TCTN2: variants seen among roughly 807,000 people sequenced by gnomAD.
The protein encoded by TCTN2 is tectonic family member 2, also known as tectonic-2.
Under a neutral mutation model 83.4 loss-of-function variants are expected in TCTN2, and 66 were observed. The ratio of observed to expected loss-of-function variants is 0.79; its 90% CI spans 0.65 to 0.97. The LOEUF (loss-of-function observed/expected upper bound fraction) is 0.97. TCTN2 is among the 50% of genes least tolerant of loss of function. The pLI, the probability that TCTN2 is intolerant of heterozygous loss-of-function variation, is 0.00. For missense variants in TCTN2, 794 were observed against 858.1 expected (o/e 0.93, Z 0.93); for synonymous variants, 301 against 326.7 (o/e 0.92, Z 0.85).
At chr12:123,693,018 C>CTTTTTTTTTTTTTTTTTTTTTTTTTTTT (rs539689505) in intron 9 of TCTN2, among the ~76,000 whole-genome samples, 1 of 53,780 alleles carries the variant, frequency 1.9e-5, no homozygotes, top group Non-Finnish European at 3.3e-5. Flanking sequence ...TTAAATAATT[C>CTTTTTTTTTTTTTTTTTTTTTTTTTTTT]TTTTTTTTTT....
At position 123,695,175 on chromosome 12, in the gene TCTN2, C is replaced by T. The variant is rs747329082; in HGVS notation, c.1235-45C>T. 4.9e-6 allele frequency: 7 copies of T among 1,419,652 alleles called. No homozygotes were observed. In the South Asian group the frequency reaches 6.9e-5, roughly 14 times the overall value. The allele number at this position is 1,419,652 out of a possible 1,614,324, so 87.9% of individuals were successfully genotyped here. Reference sequence around the variant, plus strand: ...ACACTATGGAGAATAATTTCTTTTCCTAGTGAAATGGTGCACATTATATTT... The same window carrying T: ...ACACTATGGAGAATAATTTCTTTTCTTAGTGAAATGGTGCACATTATATTT... On this transcript the variant is annotated intron_variant, in intron 10 of 17. Coordinates refer to ENST00000303372, the MANE Select transcript of TCTN2 (RefSeq NM_024809.5).
chr12:123,685,794 T>C (rs1955958277), intron 5 of TCTN2, among the ~76,000 whole-genome samples: 1 of 147,552 alleles, frequency 6.8e-6, no homozygotes, highest in Admixed American at 6.9e-5. Context: ...GGCCCAATCA[T>C]GGCTCACTGC....
At chr12:123,698,734 A>T (rs746965464) in intron 13 of TCTN2, among the ~76,000 whole-genome samples, 3 of 152,162 alleles carry the variant, frequency 2.0e-5, no homozygotes, top group Non-Finnish European at 4.4e-5. Flanking sequence ...CCCGGCCTGC[A>T]TGCACTCTTA....
chr12:123,706,741 C>T lies in TCTN2; in HGVS notation c.1785C>T (p.Asn595=). 6.2e-7 allele frequency: 1 copy of T among 1,614,158 alleles called. No individual in the cohort carries two copies. Among genetic ancestry groups the T allele is most frequent in the Non-Finnish European group, 8.5e-7 (1 of 1,180,028 alleles). ...TCCCTCCTAGGTTCTCCTCAGTGAA[C>T]TGGCAGTACCAGTGTGGGCTTACCT... ...LGVETRFSSV[N]WQYQCGLTCE... is the part of the protein sequence containing the mutation. The change falls in exon 16 of 18, where the codon AAC becomes AAT. Residue 595 remains asparagine (N), a synonymous_variant. Coordinates refer to ENST00000303372, the MANE Select transcript of TCTN2 (RefSeq NM_024809.5).
chr12:123,688,791 T>G (rs1315791765), intron 7 of TCTN2, among the ~76,000 whole-genome samples: 1 of 152,050 alleles, frequency 6.6e-6, no homozygotes, highest in African/African-American at 2.4e-5. Flanking sequence ...GTTTCGCTGT[T>G]TTTGCCCAGG....
chr12:123,707,648 T>C lies in TCTN2; in HGVS notation c.2029T>C (p.Leu677=), dbSNP rs1271806468. ...TGTTGCTAAGGGCTTACTGTTGCTG[T>C]TGTTCCTCACATTGGCCTTGTTCCT... ...QCVAKGLLLL[L]FLTLALFLSN... is the part of the protein sequence containing the mutation. Residue 677 remains leucine (L), a synonymous_variant, in exon 18 of 18, where the codon TTG becomes CTG. Coordinates refer to ENST00000303372, the MANE Select transcript of TCTN2 (RefSeq NM_024809.5). The C allele has an allele frequency of 1.9e-6, 3 of 1,614,204 alleles. No homozygotes were observed. Among genetic ancestry groups the C allele is most frequent in the Non-Finnish European group, 2.5e-6 (3 of 1,180,044 alleles).
Position 123,686,928 on chromosome 12 carries a change from C to T in TCTN2, c.657C>T (p.Cys219=). 1 of 1,614,206 alleles carries T rather than the reference C, an allele frequency of 6.2e-7. No homozygotes were observed. The highest frequency in any genetic ancestry group is 1.3e-5 in the African/African-American group (1 of 75,066). ...TCAATCCTCCTTTTGATCAGCTCTG[C>T]TCTGCTGGGACGACGACACGTGGTG... The part of the protein sequence containing the change: ...GDVNPPFDQL[C]SAGTTTRGVP... The change falls in exon 6 of 18, where the codon TGC becomes TGT. Residue 219 remains cysteine (C), a synonymous_variant. Coordinates refer to ENST00000303372, the MANE Select transcript of TCTN2 (RefSeq NM_024809.5).
At chr12:123,696,379 G>C (rs1956109027) in intron 11 of TCTN2, 36 bp from the exon 12 acceptor site, 1 of 1,561,108 alleles carries the variant, frequency 6.4e-7, no homozygotes, top group South Asian at 1.1e-5. Context: ...TATGCTGGAG[G>C]AAACAGGCTC....
chr12:123,692,245 AC>A (rs1956052221), intron 8 of TCTN2, among the ~76,000 whole-genome samples: 1 of 151,982 alleles, frequency 6.6e-6, no homozygotes, highest in South Asian at 2.1e-4. Context: ...AGGAGGTTTC[AC>A]CATGTTGGCC....
intron 14 of TCTN2, chr12:123,700,211 A>G (rs565136857): frequency 1.3e-4 from 43 of 342,300 alleles, no homozygotes; most frequent in African/African-American, 7.1e-4. Context: ...GGGTTTCGCC[A>G]TGTTGCCCAG....
chr12:123,674,562 T>C (rs910608427), intron 4 of TCTN2, among the ~76,000 whole-genome samples: 1 of 151,974 alleles, frequency 6.6e-6, no homozygotes, highest in Non-Finnish European at 1.5e-5. Flanking sequence ...GCCACTGTGC[T>C]CGGCACGTGC....
chr12:123,701,744 C>CA (rs756613958), intron 14 of TCTN2, among the ~76,000 whole-genome samples: 1,579 of 77,306 alleles, frequency 0.02, 14 homozygotes, highest in African/African-American at 0.042. Context: ...CTCCGTCTCA[C>CA]AAAAAAAAAA....
At chr12:123,698,454 T>C (rs946551649) in intron 13 of TCTN2, among the ~76,000 whole-genome samples, 1 of 152,142 alleles carries the variant, frequency 6.6e-6, no homozygotes, top group Non-Finnish European at 1.5e-5. Context: ...GGCTTGTTTT[T>C]TGAGACAAGG....
Position 123,692,718 on chromosome 12 carries a change from A to G in TCTN2, c.1094A>G (p.Asn365Ser), listed in dbSNP as rs758083576. Reference sequence around the variant, plus strand: ...ACTGACCTAGACAAATTCATCACCAATACAGGTATTTAATGTTACACTTTG... The same window carrying G: ...ACTGACCTAGACAAATTCATCACCAGTACAGGTATTTAATGTTACACTTTG... ...EATDLDKFIT[N>S]TETPLNNGST... is the part of the protein sequence containing the mutation. The change falls in exon 9 of 18, where the codon AAT (asparagine) becomes AGT (serine). Residue 365 changes from asparagine (N) to serine (S), a missense_variant. Physicochemically the swap from Asn to Ser is conservative, Grantham distance 46. Transcript: ENST00000303372. 2.5e-6 allele frequency: 4 copies of G among 1,611,660 alleles called. No individual in the cohort carries two copies. Among genetic ancestry groups the G allele is most frequent in the East Asian group, 2.2e-5 (1 of 44,882 alleles).
At chr12:123,705,658 T>G (rs1956219889) in intron 15 of TCTN2, among the ~76,000 whole-genome samples, 1 of 152,128 alleles carries the variant, frequency 6.6e-6, no homozygotes, top group Non-Finnish European at 1.5e-5. Context: ...GAGGTTCTCC[T>G]CAAGAGATGG....
In TCTN2 at chr12:123,708,364, A is replaced by C. The variant is rs539922879; in HGVS notation, c.*651A>C. 1 of 152,540 alleles carries C rather than the reference A, an allele frequency of 6.6e-6. No individual in the cohort carries two copies. The highest frequency in any genetic ancestry group is 2.4e-5 in the African/African-American group (1 of 41,436). The allele number at this position is 152,540 out of a possible 1,614,324, so 9.4% of individuals were successfully genotyped here. On this transcript the variant is annotated 3_prime_UTR_variant, in exon 18 of 18. Transcript: ENST00000303372. ...GTAGTCTTGTATGCTTCTCTATAAA[A>C]TTTTAATAAATGAAATGTCTTATTT...
chr12:123,689,279 C>A (rs537749756), intron 7 of TCTN2, among the ~76,000 whole-genome samples: 1 of 152,024 alleles, frequency 6.6e-6, no homozygotes, highest in East Asian at 2.0e-4. Flanking sequence ...GTCTTTTTAA[C>A]TTCTGGGCTG....
chr12:123,672,139 C>A lies in TCTN2; in HGVS notation c.267+7C>A. ...GACTGTGATCCCCGGTGCGGTAAGG[C>A]CAGAAGTAAACCTTCTCTGTAGCCT... On this transcript the variant is annotated splice_region_variant and intron_variant, in intron 3 of 17. Coordinates refer to ENST00000303372, the MANE Select transcript of TCTN2 (RefSeq NM_024809.5). The A allele has an allele frequency of 6.2e-7, 1 of 1,613,628 alleles. No individual in the cohort carries two copies.
chr12:123,694,869 C>G lies in TCTN2; in HGVS notation c.1127C>G (p.Pro376Arg), dbSNP rs1438224359. 6.2e-7 allele frequency: 1 copy of G among 1,613,018 alleles called. No homozygotes were observed. The highest frequency in any genetic ancestry group is 8.5e-7 in the Non-Finnish European group (1 of 1,179,318). Residue 376 changes from proline (P) to arginine (R), a missense_variant, in exon 10 of 18, where the codon CCT becomes CGT. Physicochemically the swap from Pro to Arg is moderately radical, Grantham distance 103 (BLOSUM62 -2). Coordinates refer to ENST00000303372, the MANE Select transcript of TCTN2 (RefSeq NM_024809.5). ...TETPLNNGST[P>R]RIVNVEEHYI... is the part of the protein sequence containing the mutation. ...ACTCCTTTAAATAACGGATCAACCC[C>G]TAGAATTGTGAATGTGGAAGAACAT...
Sources: gnomAD v4.1 joint callset for allele counts (sites outside exome capture counted in the v4.1 genomes callset) on GRCh38, gnomAD v4.1.1 for gene constraint, MANE v1.5 for transcripts, NCBI Gene and HGNC (gene_info 2026-07-23, HGNC 2026-07-21) for gene names.